SLC35F3: variants seen among roughly 807,000 people sequenced by gnomAD.
The protein encoded by SLC35F3 is solute carrier family 35 member F3, also known as putative thiamine transporter SLC35F3.
Under a neutral mutation model 49.9 loss-of-function variants are expected in SLC35F3, and 25 were observed. The observed-to-expected ratio is 0.50, with a 90% CI of 0.37 to 0.70. SLC35F3 has a LOEUF of 0.70. Among genes scored for constraint, SLC35F3 ranks in the 30% least tolerant of loss-of-function variants. The probability of loss-of-function intolerance (pLI) is 0.00; values close to 1 mark genes in which losing one functional copy is unlikely to be tolerated. For missense variants in SLC35F3, 525 were observed against 639.8 expected (o/e 0.82, Z 1.94); for synonymous variants, 275 against 265.4 (o/e 1.04, Z -0.35).
At chr1:234,186,130 G>A (rs528608576) in intron 2 of SLC35F3, among the ~76,000 whole-genome samples, 1 of 152,328 alleles carries the variant, frequency 6.6e-6, no homozygotes, top group South Asian at 2.1e-4. Context: ...ACCTACAGGT[G>A]TTTGGAGTGT....
intron 2 of SLC35F3, among the ~76,000 whole-genome samples, chr1:234,114,176 G>A (rs1173622100): frequency 6.6e-6 from 1 of 152,214 alleles, no homozygotes; most frequent in Non-Finnish European, 1.5e-5. Context: ...ACCACTGCAT[G>A]CCATTAATAG....
At chr1:234,176,648 G>C (rs1391315675) in intron 2 of SLC35F3, among the ~76,000 whole-genome samples, 1 of 152,084 alleles carries the variant, frequency 6.6e-6, no homozygotes, top group African/African-American at 2.4e-5. Context: ...GGGAGCTGAG[G>C]GGGTAGCCTT....
chr1:234,140,004 T>TAAAATAAATAAAATAA (rs1194690061), intron 2 of SLC35F3, among the ~76,000 whole-genome samples: 2 of 147,128 alleles, frequency 1.4e-5, no homozygotes, highest in African/African-American at 5.2e-5. Context: ...TAAAATAAAG[T>TAAAATAAATAAAATAA]AAGTGACTTG....
At chr1:234,209,906 C>T (rs1333332211) in intron 2 of SLC35F3, among the ~76,000 whole-genome samples, 1 of 152,116 alleles carries the variant, frequency 6.6e-6, no homozygotes, top group Non-Finnish European at 1.5e-5. Context: ...CACAACATTG[C>T]ATTAAACAGA....
intron 2 of SLC35F3, among the ~76,000 whole-genome samples, chr1:234,226,881 GTGGTTACATCTCACCATGCCA>G (rs1472943180): frequency 6.6e-6 from 1 of 152,072 alleles, no homozygotes; most frequent in Non-Finnish European, 1.5e-5. Context: ...ACACACAGGC[GTGGTTACATCTCACCATGCCA>G]TGGAGTATAT....
intron 2 of SLC35F3, among the ~76,000 whole-genome samples, chr1:234,011,175 A>G (rs371216575): frequency 6.6e-6 from 1 of 152,198 alleles, no homozygotes; most frequent in East Asian, 1.9e-4. Context: ...AACAAGTAAG[A>G]TAATTATTTA....
intron 2 of SLC35F3, among the ~76,000 whole-genome samples, chr1:234,226,072 T>C (rs142723440): frequency 3.3e-5 from 5 of 152,318 alleles, no homozygotes; most frequent in Non-Finnish European, 7.3e-5. Context: ...ATGATAGAAA[T>C]GTTCCAAAAT....
At chr1:234,145,176 T>A (rs1428998494) in intron 2 of SLC35F3, among the ~76,000 whole-genome samples, 2 of 152,188 alleles carry the variant, frequency 1.3e-5, no homozygotes, top group Non-Finnish European at 2.9e-5. Context: ...TTTTGAAGTT[T>A]TTACCGCACT....
intron 2 of SLC35F3, among the ~76,000 whole-genome samples, chr1:234,174,270 C>T (rs976529652): frequency 1.3e-5 from 2 of 152,196 alleles, no homozygotes; most frequent in Non-Finnish European, 2.9e-5. Context: ...AGATAGTGCC[C>T]CTAACAAAAC....
At chr1:234,291,097 C>T (rs562238591) in intron 3 of SLC35F3, among the ~76,000 whole-genome samples, 11 of 152,322 alleles carry the variant, frequency 7.2e-5, no homozygotes, top group African/African-American at 2.6e-4. Flanking sequence ...TTGGGACCAG[C>T]TTGGGTCACA....
At chr1:234,084,925 T>G (rs1322605291) in intron 2 of SLC35F3, among the ~76,000 whole-genome samples, 1 of 152,222 alleles carries the variant, frequency 6.6e-6, no homozygotes, top group Non-Finnish European at 1.5e-5. Flanking sequence ...GCAGTCAGCC[T>G]AAATCCCATG....
At chr1:234,003,187 A>G (rs1430959305) in intron 2 of SLC35F3, among the ~76,000 whole-genome samples, 1 of 148,286 alleles carries the variant, frequency 6.7e-6, no homozygotes, top group Non-Finnish European at 1.5e-5. Context: ...ATTGGTAACA[A>G]TGTTTTTAAA....
At chr1:233,918,635 C>G (rs562876434) in intron 2 of SLC35F3, among the ~76,000 whole-genome samples, 72 of 152,072 alleles carry the variant, frequency 4.7e-4, no homozygotes, top group African/African-American at 1.5e-3. Flanking sequence ...GGTGTAGTGG[C>G]GGGCACCTGT....
chr1:233,954,728 T>C (rs1016231918), intron 2 of SLC35F3, among the ~76,000 whole-genome samples: 5 of 152,184 alleles, frequency 3.3e-5, no homozygotes, highest in Non-Finnish European at 5.9e-5. Context: ...TACTGTAGCC[T>C]TCTTGCAGCC....
chr1:233,955,327 C>A (rs531868173), intron 2 of SLC35F3, among the ~76,000 whole-genome samples: 46 of 152,194 alleles, frequency 3.0e-4, no homozygotes, highest in Non-Finnish European at 6.0e-4. Flanking sequence ...ATAAAATGGA[C>A]TTCCTTTATC....
In SLC35F3 at chr1:233,905,498, A is replaced by G. The variant is rs781643521; in HGVS notation, c.54-31A>G. 19 of 1,534,014 alleles carry G rather than the reference A, an allele frequency of 1.2e-5. 1 individual carries two copies. In the South Asian group the frequency reaches 1.7e-4, roughly 14 times the overall value. ...CTCTCTGTCCATGCTCCCCCTGCCC[A>G]CCCACCTGCCCGTGGCGCCTGCGAC... is the stretch of plus-strand genomic sequence containing the variant. On this transcript the variant is annotated intron_variant, in intron 1 of 7. Transcript: ENST00000366618.
At chr1:234,239,671 T>G (rs1036279684) in intron 3 of SLC35F3, among the ~76,000 whole-genome samples, 1 of 152,226 alleles carries the variant, frequency 6.6e-6, no homozygotes, top group East Asian at 1.9e-4. Flanking sequence ...TCTGTCCTTA[T>G]AGGAAGGAAC....
intron 3 of SLC35F3, among the ~76,000 whole-genome samples, chr1:234,234,672 A>G (rs1246072446): frequency 6.6e-6 from 1 of 151,252 alleles, no homozygotes; most frequent in Non-Finnish European, 1.5e-5. Flanking sequence ...CTGATGAGTG[A>G]CTCCATTGAG....
intron 3 of SLC35F3, among the ~76,000 whole-genome samples, chr1:234,244,474 T>C (rs1174820506): frequency 5.3e-5 from 8 of 152,106 alleles, no homozygotes; most frequent in Non-Finnish European, 1.0e-4. Flanking sequence ...CGGCAGGCAG[T>C]CTCCAAGGAG....
Sources: allele counts gnomAD v4.1 joint callset (sites outside exome capture counted in the v4.1 genomes callset), GRCh38; gene constraint gnomAD v4.1.1; transcripts MANE v1.5; gene names NCBI Gene and HGNC (gene_info 2026-07-23, HGNC 2026-07-21).